GRIK4: variants seen among roughly 807,000 people sequenced by gnomAD.
The protein encoded by GRIK4 is glutamate ionotropic receptor kainate type subunit 4, also known as glutamate receptor ionotropic, kainate 4.
A neutral mutation model predicts 104.9 loss-of-function variants in GRIK4; 40 were observed. That is an observed-to-expected ratio of 0.38 (90% CI 0.30 to 0.50). GRIK4 has a LOEUF of 0.50. Ranked by LOEUF, GRIK4 falls within the 20% of genes least tolerant of loss-of-function variation. The pLI, the probability that GRIK4 is intolerant of heterozygous loss-of-function variation, is 0.93. For missense variants in GRIK4, 1,047 were observed against 1,308.1 expected, an observed-to-expected ratio of 0.80 and a Z score of 3.08; for synonymous variants, 485 against 524.9, an observed-to-expected ratio of 0.92 and a Z score of 1.04.
At chr11:120,837,472 C>T (rs1318082060) in intron 8 of GRIK4, among the ~76,000 whole-genome samples, 1 of 152,176 alleles carries the variant, frequency 6.6e-6, no homozygotes. Flanking sequence ...CACCACCATC[C>T]AAATACCTGC....
intron 1 of GRIK4, among the ~76,000 whole-genome samples, chr11:120,596,226 TTTGA>T (rs2135121171): frequency 6.6e-6 from 1 of 152,362 alleles, no homozygotes; most frequent in East Asian, 1.9e-4. Context: ...AATTAGTTCC[TTTGA>T]TTAATATTTT....
At chr11:120,566,587 C>T (rs947300259) in intron 1 of GRIK4, among the ~76,000 whole-genome samples, 1 of 152,082 alleles carries the variant, frequency 6.6e-6, no homozygotes, top group Non-Finnish European at 1.5e-5. Flanking sequence ...GTTCAGTTTT[C>T]TGAGTGGGTA....
chr11:120,710,061 G>A (rs1226484317), intron 3 of GRIK4, among the ~76,000 whole-genome samples: 1 of 152,144 alleles, frequency 6.6e-6, no homozygotes, highest in African/African-American at 2.4e-5. Flanking sequence ...GTGGCTTGTA[G>A]GTCCCAGTTG....
chr11:120,525,273 G>A (rs1391344262), intron 1 of GRIK4, among the ~76,000 whole-genome samples: 4 of 152,198 alleles, frequency 2.6e-5, no homozygotes, highest in African/African-American at 9.7e-5. Flanking sequence ...GAGAGGGAAG[G>A]AACTTGCCTG....
chr11:120,955,027 G>A (rs573713969), intron 15 of GRIK4, among the ~76,000 whole-genome samples: 7 of 152,054 alleles, frequency 4.6e-5, no homozygotes, highest in African/African-American at 1.4e-4. Flanking sequence ...ATTGTACTTC[G>A]GGTAAGATTT....
rs147282417 is a variant in GRIK4 at position 120,602,937 on chromosome 11, A to G, written c.-158-50748A>G. ...AGGTTGGTCTCGAACTCCTGGCCTCAAACAGTCTTCCTGCCGCAGCCTCCC... is the reference window on the plus strand; with the variant it reads ...AGGTTGGTCTCGAACTCCTGGCCTCGAACAGTCTTCCTGCCGCAGCCTCCC... On this transcript the variant is annotated intron_variant, in intron 1 of 20. Coordinates refer to ENST00000527524, the MANE Select transcript of GRIK4 (RefSeq NM_014619.5). 3.9e-3 allele frequency among the ~76,000 whole-genome samples: 592 copies of G among 152,314 alleles called. 1 individual carries two copies. The highest frequency in any genetic ancestry group is 0.013 in the African/African-American group (530 of 41,566).
chr11:120,833,394 G>A (rs1409212668), intron 7 of GRIK4, among the ~76,000 whole-genome samples: 1 of 152,086 alleles, frequency 6.6e-6, no homozygotes, highest in Non-Finnish European at 1.5e-5. Context: ...AAGTCATTAA[G>A]GGTAGAAAAG....
At chr11:120,734,416 G>A (rs1951188976) in intron 3 of GRIK4, among the ~76,000 whole-genome samples, 2 of 152,092 alleles carry the variant, frequency 1.3e-5, no homozygotes, top group African/African-American at 4.8e-5. Context: ...CAGACATATT[G>A]GAGCTCAGTT....
rs189936641 is a variant in GRIK4, at chr11:120,793,486, G to A, written c.83-9207G>A. ...AGGCTGTGGGTTGTCTGGAGCCCTC[G>A]TTACCTGAGCTTGTTGGGAAGGTAT... On this transcript the variant is annotated intron_variant, in intron 3 of 20. Transcript: ENST00000527524. Among the ~76,000 whole-genome samples, 10 of 152,250 alleles carry A rather than the reference G, an allele frequency of 6.6e-5. 1 individual carries two copies. Among genetic ancestry groups the A allele is most frequent in the Admixed American group, 5.2e-4 (8 of 15,300 alleles).
At chr11:120,867,486 G>A (rs1336018571) in intron 9 of GRIK4, among the ~76,000 whole-genome samples, 1 of 151,972 alleles carries the variant, frequency 6.6e-6, no homozygotes, top group East Asian at 1.9e-4. Context: ...CTTCTTTTCT[G>A]TTTCTCTCTC....
At chr11:120,531,108 G>A (rs546858608) in intron 1 of GRIK4, among the ~76,000 whole-genome samples, 1 of 152,274 alleles carries the variant, frequency 6.6e-6, no homozygotes, top group East Asian at 1.9e-4. Flanking sequence ...TTAGATATTT[G>A]GAGACAGCTC....
chr11:120,681,779 G>T (rs1430249174), intron 3 of GRIK4, among the ~76,000 whole-genome samples: 1 of 152,214 alleles, frequency 6.6e-6, no homozygotes, highest in African/African-American at 2.4e-5. Context: ...GGCAGAAATG[G>T]GCTGGAGGGG....
chr11:120,915,883 C>A (rs545639475), intron 13 of GRIK4, among the ~76,000 whole-genome samples: 2 of 152,150 alleles, frequency 1.3e-5, no homozygotes, highest in Non-Finnish European at 1.5e-5. Flanking sequence ...TTGGAGAGTT[C>A]CATAATTAAT....
intron 1 of GRIK4, among the ~76,000 whole-genome samples, chr11:120,585,590 T>G (rs1287764197): frequency 1.3e-5 from 2 of 152,224 alleles, no homozygotes; most frequent in Middle Eastern, 3.2e-3. Flanking sequence ...TTTTTTCTTT[T>G]ATACATTGTA....
In GRIK4 at chr11:120,809,852, C is replaced by T. The variant is rs756332324; in HGVS notation, c.248-5526C>T. 5.1e-4 allele frequency among the ~76,000 whole-genome samples: 78 copies of T among 152,202 alleles called. 1 individual carries two copies. The highest frequency in any genetic ancestry group is 3.4e-3 in the Middle Eastern group (1 of 294). On this transcript the variant is annotated intron_variant, in intron 4 of 20. Transcript: ENST00000527524. ...AGGCTGAAGTGGGAGGATTGCTTGA[C>T]GCCAAGAGTTCAAGACCAGCCTGGG...
intron 1 of GRIK4, among the ~76,000 whole-genome samples, chr11:120,533,434 T>C (rs1487811957): frequency 6.6e-6 from 1 of 152,206 alleles, no homozygotes; most frequent in African/African-American, 2.4e-5. Flanking sequence ...CCTAGAGATA[T>C]GGGCACAGGC....
At chr11:120,854,777 A>G (rs1397862021) in intron 8 of GRIK4, among the ~76,000 whole-genome samples, 1 of 152,222 alleles carries the variant, frequency 6.6e-6, no homozygotes, top group East Asian at 1.9e-4. Context: ...ACAATGGCAC[A>G]GTGAAGTCTT....
At chr11:120,808,836 G>A (rs1267614838) in intron 4 of GRIK4, among the ~76,000 whole-genome samples, 2 of 152,124 alleles carry the variant, frequency 1.3e-5, no homozygotes, top group African/African-American at 2.4e-5. Context: ...CTGCAGCATC[G>A]GGAAGTGCTT....
At chr11:120,727,375 CAGAA>C in intron 3 of GRIK4, among the ~76,000 whole-genome samples, 1 of 152,266 alleles carries the variant, frequency 6.6e-6, no homozygotes. Context: ...CAGGAAATCT[CAGAA>C]AGGAAGCCAC....
Sources: allele counts gnomAD v4.1 joint callset (sites outside exome capture counted in the v4.1 genomes callset), GRCh38; gene constraint gnomAD v4.1.1; transcripts MANE v1.5; gene names NCBI Gene and HGNC (gene_info 2026-07-23, HGNC 2026-07-21).